The following CFAP69 variants were observed in gnomAD, a reference collection of about 807,000 sequenced individuals.
CFAP69 encodes cilia- and flagella-associated protein 69.
A neutral mutation model predicts 123.0 loss-of-function variants in CFAP69; 92 were observed. The ratio of observed to expected loss-of-function variants is 0.75; its 90% CI spans 0.63 to 0.89. The LOEUF is 0.89. Ranked by LOEUF, CFAP69 falls within the 40% of genes least tolerant of loss-of-function variation. The pLI, the probability that CFAP69 is intolerant of heterozygous loss-of-function variation, is 0.00. For synonymous variants in CFAP69, 380 were observed against 364.3 expected, an observed-to-expected ratio of 1.04 and a Z score of -0.49; for missense variants, 1,067 against 1,096.9, an observed-to-expected ratio of 0.97 and a Z score of 0.39.
downstream of CFAP69, among the ~76,000 whole-genome samples, chr7:90,314,545 A>AT (rs1325300494): frequency 6.6e-6 from 1 of 151,884 alleles, no homozygotes; most frequent in African/African-American, 2.4e-5. Flanking sequence ...AGGAGGATCA[A>AT]TTGAGCCCAG....
At chr7:90,315,643 C>G (rs1291008180), downstream of CFAP69, among the ~76,000 whole-genome samples, 2 of 152,154 alleles carry the variant, frequency 1.3e-5, no homozygotes, top group Non-Finnish European at 1.5e-5. Context: ...GGAAAAATAA[C>G]TATTGAGTAC....
chr7:90,299,845 C>A, intron 16 of CFAP69, 22 bp from the exon 17 acceptor site: 1 of 1,541,978 alleles, frequency 6.5e-7, no homozygotes, highest in Non-Finnish European at 8.8e-7. Context: ...AACTTTTTTC[C>A]TTTTCTGTTT....
At chr7:90,305,881 A>C (rs1176409820) in intron 19 of CFAP69, among the ~76,000 whole-genome samples, 1 of 151,296 alleles carries the variant, frequency 6.6e-6, no homozygotes, top group Non-Finnish European at 1.5e-5. Flanking sequence ...TCCTTCTACT[A>C]ATATTAGTAC....
Position 90,310,177 on chromosome 7 carries a change from C to G in CFAP69, c.2765C>G (p.Ala922Gly). The change falls in exon 23 of 23, where the codon GCC (alanine) becomes GGC (glycine). Residue 922 changes from alanine (A) to glycine (G), a missense_variant. Physicochemically the swap from Ala to Gly is moderately conservative, Grantham distance 60 (BLOSUM62 0). Transcript: ENST00000389297. ...AAAAAACTGCCCATTCGAGGAGGAG[C>G]CTTGCAGAGGGTGAAAGCAGTTAAA... Reference protein sequence around the residue: ...ALKKLPIRGGALQRVKAVKIV... With the variant: ...ALKKLPIRGGGLQRVKAVKIV... 1.9e-6 allele frequency: 3 copies of G among 1,613,770 alleles called. No homozygotes were observed. The highest frequency in any genetic ancestry group is 2.5e-6 in the Non-Finnish European group (3 of 1,179,836).
Position 90,309,384 on chromosome 7 carries a change from A to G in CFAP69, c.2655+17A>G, listed in dbSNP as rs1349970103. On this transcript the variant is annotated intron_variant, in intron 22 of 22. Transcript: ENST00000389297. ...AACACAACGGTAAGATTCTTTCTCCATAACATTTTCTTAATAGACATTAAA... is the reference window on the plus strand; with the variant it reads ...AACACAACGGTAAGATTCTTTCTCCGTAACATTTTCTTAATAGACATTAAA... 3 of 1,365,504 alleles carry G rather than the reference A, an allele frequency of 2.2e-6. No homozygotes were observed. The highest frequency in any genetic ancestry group is 1.8e-4 in the Middle Eastern group (1 of 5,420). 84.6% of individuals were successfully genotyped at this position (1,365,504 alleles called of 1,614,324 possible).
intron 5 of CFAP69, among the ~76,000 whole-genome samples, chr7:90,266,594 CTGAG>C (rs1373668774): frequency 3.3e-5 from 5 of 152,110 alleles, no homozygotes; most frequent in Admixed American, 6.6e-5. Flanking sequence ...TCACTTTTTA[CTGAG>C]TGTCAACTTA....
intron 6 of CFAP69, among the ~76,000 whole-genome samples, chr7:90,268,739 G>A (rs1562863701): frequency 6.6e-6 from 1 of 152,024 alleles, no homozygotes; most frequent in Non-Finnish European, 1.5e-5. Context: ...TCAGTTAAAT[G>A]TTAAGCTACC....
chr7:90,296,964 C>T (rs1792078652), intron 15 of CFAP69, among the ~76,000 whole-genome samples: 1 of 151,296 alleles, frequency 6.6e-6, no homozygotes, highest in Admixed American at 6.6e-5. Context: ...TTAAAAGGTG[C>T]CGGACTTAGT....
chr7:90,247,809 C>T (rs1396423782), intron 1 of CFAP69, among the ~76,000 whole-genome samples: 2 of 152,162 alleles, frequency 1.3e-5, no homozygotes, highest in Non-Finnish European at 2.9e-5. Context: ...TGTGCCACTG[C>T]ACTCCAGCCT....
At chr7:90,302,008 A>G (rs929211548) in intron 17 of CFAP69, 2 of 152,108 alleles carry the variant, frequency 1.3e-5, no homozygotes, top group Non-Finnish European at 1.5e-5. Context: ...CTTTTTAATA[A>G]CAGCCATTCT....
chr7:90,319,520 A>G, the CFAP69 span: 3 of 398,478 alleles, frequency 7.5e-6, no homozygotes, highest in South Asian at 3.8e-4. Flanking sequence ...TTTTGCAAGA[A>G]CAACATGAAA....
chr7:90,307,151 C>T (rs1037991113), intron 20 of CFAP69, 53 bp downstream of exon 20: 1 of 1,254,350 alleles, frequency 8.0e-7, no homozygotes, highest in Non-Finnish European at 1.1e-6. Context: ...GGTTAATGGG[C>T]ACAAAAATAC....
rs1462041543 is a variant in CFAP69, at chr7:90,301,249, G to A, written c.2050+1190G>A. On this transcript the variant is annotated intron_variant, in intron 17 of 22. Coordinates refer to ENST00000389297, the MANE Select transcript of CFAP69 (RefSeq NM_001039706.3). ...CACTTGCCAAAGTGCTGGGATTACAGACATGAGCCACTGCACCCCGCCTAC... is the reference window on the plus strand; with the variant it reads ...CACTTGCCAAAGTGCTGGGATTACAAACATGAGCCACTGCACCCCGCCTAC... The A allele has an allele frequency of 1.3e-5, 2 of 152,202 alleles. 1 individual carries two copies. The allele number at this position is 152,202 out of a possible 1,614,324, so 9.4% of individuals were successfully genotyped here. A position where few individuals can be genotyped will look rare whatever the true frequency, so the allele number is the denominator to read the frequency against.
At chr7:90,264,171 A>G (rs1798807209) in intron 4 of CFAP69, among the ~76,000 whole-genome samples, 1 of 142,030 alleles carries the variant, frequency 7.0e-6, no homozygotes, top group Non-Finnish European at 1.5e-5. Context: ...TCCTGTCTCT[A>G]TAGGATATAT....
At chr7:90,280,133 T>C (rs1010239647) in intron 12 of CFAP69, among the ~76,000 whole-genome samples, 3 of 152,194 alleles carry the variant, frequency 2.0e-5, no homozygotes, top group African/African-American at 7.2e-5. Context: ...AATTTGAATT[T>C]TTGTATTATT....
At chr7:90,294,472 A>G (rs1791639383) in intron 15 of CFAP69, among the ~76,000 whole-genome samples, 2 of 152,124 alleles carry the variant, frequency 1.3e-5, no homozygotes, top group Admixed American at 1.3e-4. Context: ...CACATAATAC[A>G]TTTAAATATG....
chr7:90,300,200 G>A (rs1228521246), intron 17 of CFAP69, 141 bp downstream of exon 17: 2 of 1,151,246 alleles, frequency 1.7e-6, no homozygotes, highest in African/African-American at 3.5e-5. Flanking sequence ...TGAAAAATTT[G>A]CTATCCTAAG....
At position 90,304,119 on chromosome 7, in the gene CFAP69, C is replaced by T. The variant is rs1212957305; in HGVS notation, c.2188+13C>T. The stretch of plus-strand genomic sequence containing the variant: ...TTGGGCAAACTAGGTAAGAAGTTCT[C>T]TTCAAATTTGCAAGAGTCTGTTTTG... On this transcript the variant is annotated intron_variant, in intron 18 of 22. Transcript: ENST00000389297. 1.3e-6 allele frequency: 2 copies of T among 1,543,242 alleles called. No homozygotes were observed. The highest frequency in any genetic ancestry group is 2.5e-5 in the East Asian group (1 of 40,556).
rs1339221860 is a variant in CFAP69, at chr7:90,245,411, C to T, written c.-14C>T. ...AGGAAGATCCCCCCACTCTCCACCC[C>T]GCCGCCACCGGCCATGTGGACAGAG... On this transcript the variant is annotated 5_prime_UTR_variant, in exon 1 of 23. Transcript: ENST00000389297. 5.2e-6 allele frequency: 8 copies of T among 1,538,342 alleles called. No individual in the cohort carries two copies. The highest frequency in any genetic ancestry group is 2.1e-5 in the Admixed American group (1 of 48,690).
Sources: allele counts gnomAD v4.1 joint callset (sites outside exome capture counted in the v4.1 genomes callset), GRCh38; gene constraint gnomAD v4.1.1; transcripts MANE v1.5; gene names NCBI Gene and HGNC (gene_info 2026-07-23, HGNC 2026-07-21).